Variants in FARP2 observed in about 807,000 individuals in gnomAD.
FARP2 encodes the protein FERM, ARHGEF and pleckstrin domain-containing protein 2.
Under a neutral mutation model 130.5 loss-of-function variants are expected in FARP2, and 111 were observed. The observed-to-expected ratio is 0.85, with a 90% CI of 0.73 to 1.00. The LOEUF (loss-of-function observed/expected upper bound fraction) is 1.00, where lower values mean the gene tolerates loss of function less well. Ranked by LOEUF, FARP2 falls within the 50% of genes least tolerant of loss-of-function variation. The pLI, the probability that FARP2 is intolerant of heterozygous loss-of-function variation, is 0.00. For missense variants in FARP2, 1,385 were observed against 1,346.3 expected, an observed-to-expected ratio of 1.03 and a Z score of -0.45; for synonymous variants, 504 against 516.9, an observed-to-expected ratio of 0.98 and a Z score of 0.34.
At chr2:241,434,351 C>G (rs184559589) in intron 10 of FARP2, 30 bp downstream of exon 10, 1 of 1,524,506 alleles carries the variant, frequency 6.6e-7, no homozygotes, top group East Asian at 2.4e-5. Context: ...TTGCATGGGC[C>G]CCTCACTGGT....
At chr2:241,453,466 C>T (rs552476547) in intron 13 of FARP2, among the ~76,000 whole-genome samples, 7 of 148,608 alleles carry the variant, frequency 4.7e-5, no homozygotes, top group African/African-American at 9.9e-5. Context: ...ACTAAAAATA[C>T]AAAAAATTAG....
chr2:241,431,834 T>A (rs939285674), intron 9 of FARP2, 60 bp downstream of exon 9: 30 of 599,516 alleles, frequency 5.0e-5, no homozygotes, highest in Middle Eastern at 5.6e-4. Flanking sequence ...TTATTTATTT[T>A]TTTGAGACGG....
intron 12 of FARP2, 45 bp from the exon 13 acceptor site, chr2:241,441,259 T>C: frequency 6.6e-7 from 1 of 1,522,666 alleles, no homozygotes; most frequent in Non-Finnish European, 8.8e-7. Flanking sequence ...AGTGGTAATT[T>C]GTAATTTTAT....
intron 17 of FARP2, chr2:241,466,541 AG>A: frequency 1.0e-6 from 1 of 985,344 alleles, no homozygotes; most frequent in Non-Finnish European, 1.2e-6. Context: ...GGGCATCGGC[AG>A]GGCTTGGCCA....
intron 2 of FARP2, among the ~76,000 whole-genome samples, chr2:241,395,223 G>A (rs1320120065): frequency 1.3e-5 from 2 of 152,206 alleles, no homozygotes; most frequent in Admixed American, 1.3e-4. Context: ...AGGGCCTGGA[G>A]AATATCTGCT....
At chr2:241,427,180 A>G (rs2062961314) in intron 8 of FARP2, among the ~76,000 whole-genome samples, 1 of 152,204 alleles carries the variant, frequency 6.6e-6, no homozygotes, top group African/African-American at 2.4e-5. Context: ...GGTTACAGTG[A>G]GCCAAGATCG....
At chr2:241,397,945 T>G (rs1048844611) in intron 2 of FARP2, among the ~76,000 whole-genome samples, 2 of 148,498 alleles carry the variant, frequency 1.3e-5, no homozygotes, top group African/African-American at 5.0e-5. Flanking sequence ...TTCTCCTACC[T>G]CAGCCTCCCA....
intron 14 of FARP2, among the ~76,000 whole-genome samples, chr2:241,461,314 T>C (rs1308635549): frequency 3.3e-5 from 5 of 150,786 alleles, no homozygotes; most frequent in Non-Finnish European, 3.0e-5. Context: ...CGCCGGGTGG[T>C]GCTGAGGTCC....
chr2:241,490,335 G>A (rs1369299342), intron 22 of FARP2, among the ~76,000 whole-genome samples: 1 of 152,196 alleles, frequency 6.6e-6, no homozygotes, highest in Non-Finnish European at 1.5e-5. Context: ...AGACAGGACG[G>A]GTGAGTGGGC....
chr2:241,402,874 ATATATATTTTTTTTTTTTTTT>A (rs2062225720), intron 2 of FARP2, among the ~76,000 whole-genome samples: 2 of 10,980 alleles, frequency 1.8e-4, no homozygotes, highest in Admixed American at 2.7e-3. Flanking sequence ...ATATATATAT[ATATATATTTTTTTTTTTTTTT>A]TTTTTTTTTT....
chr2:241,425,854 A>G (rs1365940458), intron 8 of FARP2, among the ~76,000 whole-genome samples: 1 of 146,252 alleles, frequency 6.8e-6, no homozygotes, highest in Non-Finnish European at 1.5e-5. Flanking sequence ...TTTCCAAACT[A>G]ATTCTTTTGT....
At chr2:241,486,910 T>TA (rs2064766473) in intron 21 of FARP2, among the ~76,000 whole-genome samples, 2 of 152,208 alleles carry the variant, frequency 1.3e-5, no homozygotes, top group African/African-American at 4.8e-5. Flanking sequence ...CTGTCTCTCT[T>TA]ACTCTTCCCA....
Position 241,427,165 on chromosome 2 carries a change from G to A in FARP2, c.772-4514G>A, listed in dbSNP as rs960331136. On this transcript the variant is annotated intron_variant, in intron 8 of 26. Transcript: ENST00000264042. ...TAGGAGAATCGCTTGAATCCAGGAGGCCGAGGTTACAGTGAGCCAAGATCG... is the reference window on the plus strand; with the variant it reads ...TAGGAGAATCGCTTGAATCCAGGAGACCGAGGTTACAGTGAGCCAAGATCG... 3.9e-5 allele frequency among the ~76,000 whole-genome samples: 6 copies of A among 152,214 alleles called. No individual in the cohort carries two copies. In the South Asian group the frequency reaches 1.0e-3, roughly 26 times the overall value.
chr2:241,488,614 A>T (rs912086846), intron 21 of FARP2: 2 of 151,942 alleles, frequency 1.3e-5, no homozygotes, highest in East Asian at 3.9e-4. Flanking sequence ...GTTAGCCAGG[A>T]TGGTCTCGAT....
intron 18 of FARP2, among the ~76,000 whole-genome samples, chr2:241,468,637 C>T (rs990630419): frequency 2.0e-5 from 3 of 152,248 alleles, no homozygotes; most frequent in African/African-American, 7.2e-5. Flanking sequence ...CCCATCTCCA[C>T]GTCTGAGCAG....
At chr2:241,442,230 A>G (rs754137009) in intron 13 of FARP2, 23 of 456,574 alleles carry the variant, frequency 5.0e-5, no homozygotes, top group Non-Finnish European at 6.6e-5. Flanking sequence ...CAGCCAGTCA[A>G]TCTGAGGCCA....
chr2:241,381,799 T>C (rs923045487), intron 2 of FARP2, among the ~76,000 whole-genome samples: 7 of 152,252 alleles, frequency 4.6e-5, no homozygotes, highest in African/African-American at 1.7e-4. Context: ...TCACAGATTA[T>C]GTGTTCACAG....
rs61740951 is a variant in FARP2, at chr2:241,475,910, C to T, written c.2185C>T (p.Arg729Trp). 4,858 of 1,613,950 alleles carry T rather than the reference C, an allele frequency of 3.0e-3. 149 individuals carry two copies. In the African/African-American group the frequency reaches 0.057, roughly 19 times the overall value. ...VTTTLQHILI[R>W]LENLQKLTEL... ...CACCACACTACAGCACATTCTCATC[C>T]GGCTGGAGAACCTGCAGAAGCTAAC... Residue 729 changes from arginine (R) to tryptophan (W), a missense_variant, in exon 19 of 27, where the codon CGG (arginine) becomes TGG (tryptophan). Physicochemically the swap from Arg to Trp is moderately radical, Grantham distance 101. Transcript: ENST00000264042. This position sits in a 1 kb window ranked among gnomAD's most constrained non-coding sequence, Gnocchi z 4.4.
chr2:241,473,160 G>A (rs1257683918), intron 18 of FARP2, among the ~76,000 whole-genome samples: 1 of 151,464 alleles, frequency 6.6e-6, no homozygotes, highest in Non-Finnish European at 1.5e-5. Context: ...ACTCTGTTCT[G>A]TGGGGGATTC....
Sources: allele counts gnomAD v4.1 joint callset (sites outside exome capture counted in the v4.1 genomes callset), GRCh38; gene constraint gnomAD v4.1.1; non-coding constraint Gnocchi (gnomAD v3.1); transcripts MANE v1.5; gene names NCBI Gene and HGNC (gene_info 2026-07-23, HGNC 2026-07-21).